ABCG8: variants seen among roughly 807,000 people sequenced by gnomAD.
ABCG8 encodes the protein ATP-binding cassette sub-family G member 8.
A neutral mutation model predicts 71.3 loss-of-function variants in ABCG8; 81 were observed. That is an observed-to-expected ratio of 1.14 (90% CI 0.95 to 1.37). The LOEUF is 1.37. Ranked by LOEUF, ABCG8 falls within the 40% of genes most tolerant of loss-of-function variation. The pLI is 0.00. For synonymous variants in ABCG8, 451 were observed against 354.7 expected (o/e 1.27, Z -3.05); for missense variants, 1,119 against 866.2 (o/e 1.29, Z -3.66).
intron 6 of ABCG8, among the ~76,000 whole-genome samples, chr2:43,859,543 ATTTG>A (rs1669230958): frequency 2.0e-5 from 3 of 149,512 alleles, no homozygotes; most frequent in Non-Finnish European, 3.0e-5. Context: ...ATCTCTCACT[ATTTG>A]TCTGGAAAGA....
chr2:43,878,030 T>A lies in ABCG8; in HGVS notation c.*117T>A, dbSNP rs1004844771. The A allele has an allele frequency of 6.7e-7, 1 of 1,483,786 alleles. No homozygotes were observed. The highest frequency in any genetic ancestry group is 1.4e-5 in the African/African-American group (1 of 72,014). The allele number at this position is 1,483,786 out of a possible 1,614,324, so 91.9% of individuals were successfully genotyped here. A position where few individuals can be genotyped will look rare whatever the true frequency, so the allele number is the denominator to read the frequency against. On this transcript the variant is annotated 3_prime_UTR_variant, in exon 13 of 13. Coordinates refer to ENST00000272286, the MANE Select transcript of ABCG8 (RefSeq NM_022437.3). Reference sequence around the variant, plus strand: ...GACAATGACCCTACAGATGCTCAGCTACATCCGGCCCAGGGTGCTGCAGTG... The same window carrying A: ...GACAATGACCCTACAGATGCTCAGCAACATCCGGCCCAGGGTGCTGCAGTG...
chr2:43,864,128 A>C (rs1177090603), intron 6 of ABCG8, among the ~76,000 whole-genome samples: 1 of 150,786 alleles, frequency 6.6e-6, no homozygotes, highest in Non-Finnish European at 1.5e-5. Context: ...AATTCCCACC[A>C]TCTGGATAGA....
chr2:43,877,079 G>A (rs1189272246), intron 11 of ABCG8, among the ~76,000 whole-genome samples: 1 of 147,266 alleles, frequency 6.8e-6, no homozygotes. Context: ...TGGGGAGACT[G>A]GGAATATGAG....
chr2:43,839,728 G>A (rs1317510316), intron 1 of ABCG8, among the ~76,000 whole-genome samples: 3 of 152,112 alleles, frequency 2.0e-5, no homozygotes, highest in Admixed American at 1.3e-4. Context: ...GGCCAGTTTC[G>A]CTTTTTCCGA....
At chr2:43,842,679 A>G (rs1181397730) in intron 1 of ABCG8, among the ~76,000 whole-genome samples, 1 of 152,024 alleles carries the variant, frequency 6.6e-6, no homozygotes, top group Admixed American at 6.6e-5. Flanking sequence ...AAAAGCTTTG[A>G]AGCTTGATCC....
chr2:43,839,139 G>A, intron 1 of ABCG8, 23 bp downstream of exon 1: 1 of 1,550,836 alleles, frequency 6.4e-7, no homozygotes, highest in East Asian at 2.4e-5. Flanking sequence ...TGGGAAGTCG[G>A]CCCAGGCCTG....
intron 1 of ABCG8, among the ~76,000 whole-genome samples, chr2:43,842,633 G>A (rs75331444): frequency 0.07 from 10,637 of 152,058 alleles, 441 homozygotes; most frequent in African/African-American, 0.085. Flanking sequence ...ACACAAATCA[G>A]CTTAAAGAAC....
intron 11 of ABCG8, 65 bp from the exon 12 acceptor site, chr2:43,877,496 G>C (rs557404574): frequency 1.2e-6 from 2 of 1,610,524 alleles, no homozygotes; most frequent in East Asian, 4.5e-5. Context: ...GGGAGACCAT[G>C]CGAATATGGG....
At position 43,852,690 on chromosome 2, in the gene ABCG8, C is replaced by T; in HGVS notation, c.786C>T (p.Asn262=). ...VKTLSRLAKG[N]RLVLISLHQP... is the part of the protein sequence containing the mutation. ...CCTTGTCCAGGCTGGCCAAAGGCAA[C>T]CGGCTGGTGCTCATCTCCCTCCACC... Residue 262 remains asparagine, a synonymous_variant, in exon 6 of 13, where the codon AAC becomes AAT. Transcript: ENST00000272286. 6.2e-7 allele frequency: 1 copy of T among 1,614,184 alleles called. No homozygotes were observed. Among genetic ancestry groups the T allele is most frequent in the Non-Finnish European group, 8.5e-7 (1 of 1,180,014 alleles).
chr2:43,875,900 C>G (rs1474492675), intron 11 of ABCG8, among the ~76,000 whole-genome samples: 2 of 152,148 alleles, frequency 1.3e-5, no homozygotes, highest in East Asian at 3.9e-4. Context: ...TGCGGCCTCC[C>G]CAGCTTTCTG....
At chr2:43,852,998 T>C (rs1364222003) in intron 6 of ABCG8, 130 bp downstream of exon 6, 4 of 1,182,968 alleles carry the variant, frequency 3.4e-6, no homozygotes, top group African/African-American at 1.7e-5. Context: ...GGAGCAATGA[T>C]GGGGAAGAAC....
In ABCG8 at chr2:43,852,565, A is replaced by T. The variant is rs200453347; in HGVS notation, c.695-34A>T. The T allele has an allele frequency of 7.6e-4, 1,223 of 1,613,944 alleles. 5 individuals are homozygous for T. Among genetic ancestry groups the T allele is most frequent in the South Asian group, 2.3e-3 (210 of 91,076 alleles). On this transcript the variant is annotated intron_variant, in intron 5 of 12. Transcript: ENST00000272286. ...CTTGGCTTGGTCTGGCCAGAGCCCC[A>T]CCGACTCACCAGGCTCCTCTCTGTG...
chr2:43,875,380 G>C lies in ABCG8; in HGVS notation c.1723G>C (p.Gly575Arg). 1.9e-6 allele frequency: 3 copies of C among 1,614,102 alleles called. No individual in the cohort carries two copies. The highest frequency in any genetic ancestry group is 2.5e-6 in the Non-Finnish European group (3 of 1,180,042). Residue 575 changes from glycine (G) to arginine (R), a missense_variant, in exon 11 of 13, where the codon GGC becomes CGC. Gly to Arg is a moderately radical substitution (Grantham distance 125, BLOSUM62 -2). Transcript: ENST00000272286. The part of the protein sequence containing the change: ...ALYNSFYLAG[G>R]FMINLSSLWT... ...CTACAACTCCTTCTACCTCGCCGGG[G>C]GCTTCATGATAAACTTGAGCAGCCT...
intron 2 of ABCG8, among the ~76,000 whole-genome samples, chr2:43,844,901 T>G (rs986044801): frequency 6.6e-6 from 1 of 152,086 alleles, no homozygotes; most frequent in South Asian, 2.1e-4. Context: ...TATTTTGAAA[T>G]AACTTTAGAT....
rs773373690 is a variant in ABCG8, at chr2:43,877,536, G to A, written c.1757-25G>A. The A allele has an allele frequency of 1.9e-6, 3 of 1,613,104 alleles. No homozygotes were observed. In the South Asian group the frequency reaches 3.3e-5, roughly 18 times the overall value. ...CCATGAGAATATGAGGGACACCTGT[G>A]AGTAACGCGGCTGTCTGTCTCCAGT... On this transcript the variant is annotated intron_variant, in intron 11 of 12. Coordinates refer to ENST00000272286, the MANE Select transcript of ABCG8 (RefSeq NM_022437.3).
At chr2:43,877,366 C>T (rs1373633635) in intron 11 of ABCG8, among the ~76,000 whole-genome samples, 195 bp from the exon 12 acceptor site, 1 of 142,938 alleles carries the variant, frequency 7.0e-6, no homozygotes, top group Non-Finnish European at 1.5e-5. Context: ...GGAGATCGTG[C>T]GAATATGGGG....
At position 43,845,080 on chromosome 2, in the gene ABCG8, A is replaced by ATGTG. The variant is rs71393208; in HGVS notation, c.165+488_165+491dup. 2.2e-3 allele frequency among the ~76,000 whole-genome samples: 310 copies of ATGTG among 139,092 alleles called. 1 individual carries two copies. Among genetic ancestry groups the ATGTG allele is most frequent in the Non-Finnish European group, 3.0e-3 (194 of 65,334 alleles). 91.2% of individuals were successfully genotyped at this position (139,092 alleles called of 152,430 possible). A position where few individuals can be genotyped will look rare whatever the true frequency, so the allele number is the denominator to read the frequency against. On this transcript the variant is annotated intron_variant, in intron 2 of 12. Coordinates refer to ENST00000272286, the MANE Select transcript of ABCG8 (RefSeq NM_022437.3). ...TTCAGATTTCATTAGTTATATATAT[A>ATGTG]TGTGTGTGTGTGTGTGTGTATATAT... is the stretch of plus-strand genomic sequence containing the variant.
intron 6 of ABCG8, among the ~76,000 whole-genome samples, chr2:43,863,337 C>G (rs1456833889): frequency 9.2e-5 from 14 of 151,390 alleles, no homozygotes; most frequent in African/African-American, 3.4e-4. Context: ...AGAATTCTCA[C>G]TATCTGGATA....
intron 1 of ABCG8, among the ~76,000 whole-genome samples, chr2:43,840,248 C>T (rs542036042): frequency 6.6e-4 from 100 of 152,302 alleles, no homozygotes; most frequent in Non-Finnish European, 1.3e-3. Flanking sequence ...CCAAGGAGCC[C>T]ACCATTTCTA....
Sources: allele counts gnomAD v4.1 joint callset (sites outside exome capture counted in the v4.1 genomes callset), GRCh38; gene constraint gnomAD v4.1.1; transcripts MANE v1.5; gene names NCBI Gene and HGNC (gene_info 2026-07-23, HGNC 2026-07-21).